COL4A4: variants seen among roughly 807,000 people sequenced by gnomAD.
The protein encoded by COL4A4 is collagen type IV alpha 4 chain.
A neutral mutation model predicts 192.9 loss-of-function variants in COL4A4; 105 were observed. The observed-to-expected ratio is 0.54, with a 90% CI of 0.46 to 0.64. The LOEUF (loss-of-function observed/expected upper bound fraction) is 0.64. Ranked by LOEUF, COL4A4 falls within the 30% of genes least tolerant of loss-of-function variation. The pLI is 0.00. For missense variants in COL4A4, 1,967 were observed against 2,169.3 expected, an observed-to-expected ratio of 0.91 and a Z score of 1.85; for synonymous variants, 762 against 769.9, an observed-to-expected ratio of 0.99 and a Z score of 0.17.
rs1491267361 is a variant in COL4A4 at position 227,089,611 on chromosome 2, A to ATATATATATATATATATATATATATATG, written c.1459+256_1459+257insCATATATATATATATATATATATATATA. Among the ~76,000 whole-genome samples, 39 of 119,600 alleles carry ATATATATATATATATATATATATATATG rather than the reference A, an allele frequency of 3.3e-4. 1 individual carries two copies. The highest frequency in any genetic ancestry group is 1.6e-3 in the African/African-American group (37 of 23,446). 78.5% of individuals were successfully genotyped at this position (119,600 alleles called of 152,430 possible). A position where few individuals can be genotyped will look rare whatever the true frequency, so the allele number is the denominator to read the frequency against. ...TCCATATATATATATATATATATAC[A>ATATATATATATATATATATATATATATG]TACATATATATAAATATATAAGACA... On this transcript the variant is annotated intron_variant, in intron 21 of 47. Coordinates refer to ENST00000396625, the MANE Select transcript of COL4A4 (RefSeq NM_000092.5).
At chr2:227,157,366 C>T (rs1277868875) in intron 1 of COL4A4, among the ~76,000 whole-genome samples, 1 of 151,988 alleles carries the variant, frequency 6.6e-6, no homozygotes, top group Non-Finnish European at 1.5e-5. Context: ...GAATCAATTA[C>T]CTAAGCTTCT....
chr2:226,977,205 C>T, the COL4A4 span, among the ~76,000 whole-genome samples: 3 of 152,284 alleles, frequency 2.0e-5, no homozygotes, highest in African/African-American at 7.2e-5. Context: ...TCTCTGGTTT[C>T]CCAGTTCAGT....
chr2:227,092,534 C>CTAA (rs1366125147), intron 20 of COL4A4, among the ~76,000 whole-genome samples: 3 of 152,112 alleles, frequency 2.0e-5, no homozygotes, highest in African/African-American at 7.2e-5. Context: ...ATTCAAAGAG[C>CTAA]TAATACTAAT....
At chr2:227,152,640 C>G (rs1377665058) in intron 1 of COL4A4, among the ~76,000 whole-genome samples, 1 of 152,194 alleles carries the variant, frequency 6.6e-6, no homozygotes, top group Admixed American at 6.5e-5. Context: ...GTGTGCCTGG[C>G]GCTTTGCAGT....
the COL4A4 span, chr2:226,969,082 G>T: frequency 4.9e-6 from 1 of 206,020 alleles, no homozygotes; most frequent in African/African-American, 2.3e-5. Flanking sequence ...AATGTGAGAT[G>T]GGCTCCACCA....
chr2:227,121,106 G>T lies in COL4A4; in HGVS notation c.235C>A (p.Leu79Met), dbSNP rs764905079. 6.2e-7 allele frequency: 1 copy of T among 1,614,096 alleles called. No individual in the cohort carries two copies. The highest frequency in any genetic ancestry group is 1.7e-5 in the Admixed American group (1 of 60,024). Residue 79 changes from leucine (L) to methionine (M), a missense_variant, in exon 5 of 48, where the codon CTG becomes ATG. Leu to Met is a conservative substitution (Grantham distance 15). Coordinates refer to ENST00000396625, the MANE Select transcript of COL4A4 (RefSeq NM_000092.5). The part of the protein sequence containing the change: ...PPGPQGPIGP[L>M]GAPGPIGLSG... ...AGCCCAATGGGTCCTGGGGCTCCCAGGGGTCCAATTGGACCCTGTGGCCCT... is the reference window on the plus strand; with the variant it reads ...AGCCCAATGGGTCCTGGGGCTCCCATGGGTCCAATTGGACCCTGTGGCCCT...
intron 4 of COL4A4, among the ~76,000 whole-genome samples, chr2:227,125,114 A>G (rs2066060148): frequency 6.6e-6 from 1 of 152,272 alleles, no homozygotes; most frequent in South Asian, 2.1e-4. Flanking sequence ...AAAGGCGTGG[A>G]AATATTTAAC....
At chr2:227,088,918 T>A in intron 21 of COL4A4, 102 bp from the exon 22 acceptor site, 1 of 1,361,566 alleles carries the variant, frequency 7.3e-7, no homozygotes, top group East Asian at 2.3e-5. Flanking sequence ...GAACAAAGAG[T>A]CCGATATGCA....
chr2:226,995,443 A>G, the COL4A4 span: 1 of 1,611,664 alleles, frequency 6.2e-7, no homozygotes, highest in Non-Finnish European at 8.5e-7. Flanking sequence ...AATACCAGAA[A>G]TAGCCCACCA....
At chr2:227,109,107 T>C (rs777828668) in intron 10 of COL4A4, 117 bp downstream of exon 10, 1 of 1,019,294 alleles carries the variant, frequency 9.8e-7, no homozygotes, top group Non-Finnish European at 1.6e-6. Context: ...CACTGATTCA[T>C]CGATTATAAT....
chr2:227,147,640 A>C (rs2063633643), intron 1 of COL4A4, 56 bp from the exon 2 acceptor site: 4 of 651,608 alleles, frequency 6.1e-6, no homozygotes, highest in Non-Finnish European at 1.1e-5. Context: ...TGTTGAAAAT[A>C]ATTACTTTCA....
intron 9 of COL4A4, 26 bp downstream of exon 9, chr2:227,111,652 G>A (rs757740019): frequency 1.4e-5 from 23 of 1,612,520 alleles, no homozygotes; most frequent in Non-Finnish European, 2.0e-5. Flanking sequence ...GGAAATAGAA[G>A]CATAGAGCCT....
intron 46 of COL4A4, 91 bp from the exon 47 acceptor site, chr2:227,008,395 C>A (rs771641784): frequency 7.0e-7 from 1 of 1,432,104 alleles, no homozygotes; most frequent in Admixed American, 1.8e-5. Context: ...TTTGCAGATA[C>A]GTGTTCTGAA....
intron 2 of COL4A4, among the ~76,000 whole-genome samples, chr2:227,146,272 TA>T (rs1296999613): frequency 1.4e-5 from 2 of 143,296 alleles, no homozygotes; most frequent in Admixed American, 6.9e-5. Flanking sequence ...TATTAAAAAG[TA>T]AGATCATTCC....
chr2:227,093,824 C>T (rs56393552), intron 20 of COL4A4, among the ~76,000 whole-genome samples: 3,630 of 152,124 alleles, frequency 0.024, 61 homozygotes, highest in South Asian at 0.037. Context: ...ATAAACCCAC[C>T]GGGCAGTCAC....
rs1427203202 is a variant in COL4A4 at position 227,123,146 on chromosome 2, G to A, written c.193-1998C>T. 1.3e-5 allele frequency among the ~76,000 whole-genome samples: 2 copies of A among 152,202 alleles called. No individual in the cohort carries two copies. Among genetic ancestry groups the A allele is most frequent in the Non-Finnish European group, 2.9e-5 (2 of 68,032 alleles). ...TTCCCAAAGTGCTGGAATTACAGGT[G>A]TAAGCCACCATGCCCAGGTGGGATG... On this transcript the variant is annotated intron_variant, in intron 4 of 47. Coordinates refer to ENST00000396625, the MANE Select transcript of COL4A4 (RefSeq NM_000092.5). The surrounding 1 kb of genome is among the most constrained non-coding windows in gnomAD (Gnocchi z 4.6).
intron 47 of COL4A4, 24 bp downstream of exon 47, chr2:227,007,994 G>C (rs1282525236): frequency 5.6e-6 from 9 of 1,604,626 alleles, no homozygotes; most frequent in Admixed American, 5.0e-5. Context: ...AATGAGCCAG[G>C]GTTTTCAAGG....
chr2:227,042,090 T>A, intron 37 of COL4A4, 58 bp downstream of exon 37: 2 of 1,060,748 alleles, frequency 1.9e-6, no homozygotes, highest in African/African-American at 3.1e-5. Context: ...AAAAACACCA[T>A]CAATTTGCCC....
At chr2:227,041,748 AAGGAAG>A in intron 37 of COL4A4, among the ~76,000 whole-genome samples, 1 of 108,818 alleles carries the variant, frequency 9.2e-6, no homozygotes, top group Non-Finnish European at 1.9e-5. Context: ...GGAAGGAAGG[AAGGAAG>A]GAAGGAAGGA....
Sources: allele counts gnomAD v4.1 joint callset (sites outside exome capture counted in the v4.1 genomes callset), GRCh38; gene constraint gnomAD v4.1.1; non-coding constraint Gnocchi (gnomAD v3.1); transcripts MANE v1.5; gene names NCBI Gene and HGNC (gene_info 2026-07-23, HGNC 2026-07-21).